FBXL7: variants seen among roughly 807,000 people sequenced by gnomAD.
The protein encoded by FBXL7 is F-box and leucine rich repeat protein 7, also known as F-box/LRR-repeat protein 7.
In FBXL7, 12 loss-of-function variants were observed where a neutral mutation model predicts 38.3. The observed-to-expected ratio is 0.31, with a 90% confidence interval of 0.20 to 0.51. FBXL7 has a LOEUF of 0.51. Among genes scored for constraint, FBXL7 ranks in the 20% least tolerant of loss-of-function variants. FBXL7 has a pLI of 0.98. For missense variants in FBXL7, 567 were observed against 676.4 expected (o/e 0.84, Z 1.79); for synonymous variants, 297 against 300.9 (o/e 0.99, Z 0.13).
chr5:15,914,639 T>C (rs1331313651), intron 2 of FBXL7, among the ~76,000 whole-genome samples: 1 of 152,186 alleles, frequency 6.6e-6, no homozygotes, highest in Non-Finnish European at 1.5e-5. Context: ...AAATGAAATA[T>C]TGATAAATCA....
At chr5:15,719,132 G>A (rs1744125321) in intron 2 of FBXL7, among the ~76,000 whole-genome samples, 1 of 152,136 alleles carries the variant, frequency 6.6e-6, no homozygotes, top group Non-Finnish European at 1.5e-5. Context: ...ATAGCAAAAG[G>A]TTTGAAGGCA....
intron 2 of FBXL7, among the ~76,000 whole-genome samples, chr5:15,730,835 A>G (rs1468114504): frequency 6.6e-6 from 1 of 152,210 alleles, no homozygotes; most frequent in Non-Finnish European, 1.5e-5. Flanking sequence ...GGGCTTATAA[A>G]ATATTGTTAT....
At chr5:15,703,495 A>G (rs4377704) in intron 2 of FBXL7, among the ~76,000 whole-genome samples, 8,547 of 152,326 alleles carry the variant, frequency 0.056, 268 homozygotes, top group East Asian at 0.091. Context: ...CTGCTAATGA[A>G]GCAAAAATAT....
At chr5:15,551,242 T>G (rs139472955) in intron 1 of FBXL7, among the ~76,000 whole-genome samples, 13 of 152,266 alleles carry the variant, frequency 8.5e-5, no homozygotes, top group African/African-American at 3.1e-4. Flanking sequence ...GTCCCTTGCT[T>G]TCTCAGAACG....
At chr5:15,588,641 C>T (rs564460108) in intron 1 of FBXL7, among the ~76,000 whole-genome samples, 1 of 152,272 alleles carries the variant, frequency 6.6e-6, no homozygotes, top group Admixed American at 6.5e-5. Flanking sequence ...CCCACCTTGG[C>T]TTCCCAAAGT....
intron 1 of FBXL7, among the ~76,000 whole-genome samples, chr5:15,537,148 CTT>C (rs1367498142): frequency 6.6e-6 from 1 of 152,148 alleles, no homozygotes; most frequent in Admixed American, 6.5e-5. Flanking sequence ...AATTAAATCT[CTT>C]TTGTTTATAA....
rs566672726 is a variant in FBXL7 at position 15,830,200 on chromosome 5, G to T, written c.128-97690G>T. Among the ~76,000 whole-genome samples the T allele has an allele frequency of 2.7e-3, 406 of 152,122 alleles. 2 individuals are homozygous for T. The highest frequency in any genetic ancestry group is 9.4e-3 in the African/African-American group (390 of 41,504). On this transcript the variant is annotated intron_variant, in intron 2 of 3. Transcript: ENST00000504595. The stretch of plus-strand genomic sequence containing the variant: ...CATAGGTTTTTGAAAACTTAGCAAG[G>T]TGGCTGGGCGTGGTGGCTCACACCT...
At chr5:15,603,071 C>T (rs370017885) in intron 1 of FBXL7, among the ~76,000 whole-genome samples, 5 of 152,140 alleles carry the variant, frequency 3.3e-5, no homozygotes, top group African/African-American at 1.2e-4. Flanking sequence ...AACTCCTGGC[C>T]TCAAATGATC....
At chr5:15,544,544 G>T (rs532475547) in intron 1 of FBXL7, among the ~76,000 whole-genome samples, 2 of 152,192 alleles carry the variant, frequency 1.3e-5, no homozygotes, top group East Asian at 3.9e-4. Context: ...CATTTTTAGG[G>T]TAGCCTGTAC....
At position 15,743,945 on chromosome 5, in the gene FBXL7, C is replaced by T. The variant is rs532642838; in HGVS notation, c.127+127873C>T. Among the ~76,000 whole-genome samples, 128 of 152,276 alleles carry T rather than the reference C, an allele frequency of 8.4e-4. 1 individual carries two copies. Among genetic ancestry groups the T allele is most frequent in the Non-Finnish European group, 1.5e-3 (105 of 68,018 alleles). On this transcript the variant is annotated intron_variant, in intron 2 of 3. Transcript: ENST00000504595. ...GCTCTACATTGGCTTCTTTTAGCCA[C>T]GGCTGAAGTTGAAGCAGCTGGGACA...
intron 1 of FBXL7, among the ~76,000 whole-genome samples, chr5:15,555,410 T>C (rs546823358): frequency 5.3e-5 from 8 of 152,288 alleles, no homozygotes; most frequent in African/African-American, 1.7e-4. Flanking sequence ...ACAGGTGGGA[T>C]CACTTTGGTT....
intron 2 of FBXL7, among the ~76,000 whole-genome samples, chr5:15,704,925 C>T (rs1743634177): frequency 6.6e-6 from 1 of 150,964 alleles, no homozygotes; most frequent in Non-Finnish European, 1.5e-5. Context: ...AAGCAGTTTT[C>T]TATGCATAGA....
At chr5:15,675,165 T>G in intron 2 of FBXL7, among the ~76,000 whole-genome samples, 1 of 152,236 alleles carries the variant, frequency 6.6e-6, no homozygotes, top group East Asian at 1.9e-4. Flanking sequence ...CAAAATACAC[T>G]TTATCTTCAA....
At chr5:15,644,538 C>CAGAG (rs113093652) in intron 2 of FBXL7, among the ~76,000 whole-genome samples, 28 of 149,980 alleles carry the variant, frequency 1.9e-4, no homozygotes, top group African/African-American at 6.6e-4. Context: ...GGTGGGGGGA[C>CAGAG]AGAGAGAGAG....
At chr5:15,508,233 A>T (rs1442752005) in intron 1 of FBXL7, among the ~76,000 whole-genome samples, 2 of 152,268 alleles carry the variant, frequency 1.3e-5, no homozygotes, top group African/African-American at 4.8e-5. Context: ...TGAATGCTAT[A>T]CTGAAAATGA....
intron 2 of FBXL7, among the ~76,000 whole-genome samples, chr5:15,660,737 T>G (rs932129243): frequency 2.0e-5 from 3 of 152,156 alleles, no homozygotes; most frequent in Admixed American, 2.0e-4. Context: ...GGCATATAAG[T>G]TCATTGTTAA....
intron 2 of FBXL7, among the ~76,000 whole-genome samples, chr5:15,774,743 T>G (rs376744895): frequency 1.3e-5 from 2 of 152,216 alleles, no homozygotes; most frequent in African/African-American, 4.8e-5. Context: ...TCAAAGTAGT[T>G]AGAGCGACAG....
chr5:15,751,536 G>A (rs2937074), intron 2 of FBXL7, among the ~76,000 whole-genome samples: 95,913 of 151,940 alleles, frequency 0.63, 31,005 homozygotes, highest in East Asian at 0.73. Context: ...ATATCTTCTC[G>A]CTGAGTTTTG....
chr5:15,779,138 A>T (rs987155066), intron 2 of FBXL7, among the ~76,000 whole-genome samples: 3 of 152,076 alleles, frequency 2.0e-5, no homozygotes, highest in Non-Finnish European at 4.4e-5. Context: ...CTTTAAAAAA[A>T]GTGGATCTCA....
Sources: allele counts gnomAD v4.1 joint callset (sites outside exome capture counted in the v4.1 genomes callset), GRCh38; gene constraint gnomAD v4.1.1; transcripts MANE v1.5; gene names NCBI Gene and HGNC (gene_info 2026-07-23, HGNC 2026-07-21).